KPNA6: variants seen among roughly 807,000 people sequenced by gnomAD.
The protein encoded by KPNA6 is karyopherin subunit alpha 6.
In KPNA6, 9 loss-of-function variants were observed where a neutral mutation model predicts 72.0. The ratio of observed to expected loss-of-function variants is 0.13; its 90% CI spans 0.08 to 0.22. The LOEUF is 0.22. Ranked by LOEUF, KPNA6 falls within the 10% of genes least tolerant of loss-of-function variation. The pLI is 1.00. For missense variants in KPNA6, 374 were observed against 655.7 expected (o/e 0.57, Z 4.69); for synonymous variants, 219 against 242.1 (o/e 0.90, Z 0.89).
At position 32,136,781 on chromosome 1, in the gene KPNA6, G is replaced by A. The variant is rs540928400; in HGVS notation, c.5-17807G>A. 2.9e-4 allele frequency among the ~76,000 whole-genome samples: 44 copies of A among 152,124 alleles called. 1 individual carries two copies. The highest frequency in any genetic ancestry group is 5.9e-4 in the Non-Finnish European group (40 of 68,034). On this transcript the variant is annotated intron_variant, in intron 1 of 13. Transcript: ENST00000373625. Reference sequence around the variant, plus strand: ...GAATAAGCAGAATGAGATTCTCTACGCATTTATTCCTCCCCAATTCATTAC... The same window carrying A: ...GAATAAGCAGAATGAGATTCTCTACACATTTATTCCTCCCCAATTCATTAC...
chr1:32,138,893 A>C (rs1244904219), intron 1 of KPNA6, among the ~76,000 whole-genome samples: 1 of 152,146 alleles, frequency 6.6e-6, no homozygotes, highest in African/African-American at 2.4e-5. Flanking sequence ...TGTGTCCTGT[A>C]GTTTTTATAA....
chr1:32,148,103 A>G (rs1641962810), intron 1 of KPNA6, among the ~76,000 whole-genome samples: 1 of 151,540 alleles, frequency 6.6e-6, no homozygotes, highest in Non-Finnish European at 1.5e-5. Context: ...CTCAATGTGG[A>G]TATTTTCTTT....
intron 1 of KPNA6, among the ~76,000 whole-genome samples, chr1:32,110,662 C>T (rs1293321077): frequency 2.6e-5 from 4 of 152,016 alleles, no homozygotes; most frequent in South Asian, 2.1e-4. Context: ...TCCCATAGGC[C>T]GAGGCGGGTG....
At chr1:32,131,575 A>G (rs1318405402) in intron 1 of KPNA6, among the ~76,000 whole-genome samples, 1 of 151,926 alleles carries the variant, frequency 6.6e-6, no homozygotes, top group Non-Finnish European at 1.5e-5. Context: ...ACATATATGT[A>G]TGTGTATATA....
intron 1 of KPNA6, among the ~76,000 whole-genome samples, chr1:32,136,181 C>CTTTTTTT (rs759447035): frequency 3.6e-5 from 5 of 139,304 alleles, no homozygotes; most frequent in Non-Finnish European, 4.6e-5. Flanking sequence ...TAGCTTCTCT[C>CTTTTTTT]TTTTTTTTTT....
chr1:32,150,624 C>T (rs1642012106), intron 1 of KPNA6, among the ~76,000 whole-genome samples: 1 of 151,612 alleles, frequency 6.6e-6, no homozygotes, highest in African/African-American at 2.4e-5. Context: ...ATGTATAGTA[C>T]TTTTTGTTGT....
intron 6 of KPNA6, among the ~76,000 whole-genome samples, chr1:32,159,813 T>C (rs140274199): frequency 1.2e-4 from 19 of 152,206 alleles, no homozygotes; most frequent in Non-Finnish European, 1.8e-4. Flanking sequence ...GTGGTTGATG[T>C]GGAAAAAACT....
At chr1:32,147,813 C>G (rs137983318) in intron 1 of KPNA6, among the ~76,000 whole-genome samples, 26 of 151,892 alleles carry the variant, frequency 1.7e-4, no homozygotes, top group East Asian at 1.2e-3. Context: ...ACATACACCA[C>G]CATGCCCAGC....
At chr1:32,135,618 C>T (rs1417090822) in intron 1 of KPNA6, among the ~76,000 whole-genome samples, 1 of 150,920 alleles carries the variant, frequency 6.6e-6, no homozygotes, top group Admixed American at 6.6e-5. Context: ...CAGGTGTGAG[C>T]CACCATGCTT....
At chr1:32,168,478 C>T (rs1642378169) in intron 12 of KPNA6, among the ~76,000 whole-genome samples, 1 of 152,202 alleles carries the variant, frequency 6.6e-6, no homozygotes, top group Non-Finnish European at 1.5e-5. Flanking sequence ...GCATGAGCCA[C>T]CTGGCCTGTG....
At chr1:32,139,900 T>C (rs577344737) in intron 1 of KPNA6, among the ~76,000 whole-genome samples, 1 of 152,214 alleles carries the variant, frequency 6.6e-6, no homozygotes, top group Non-Finnish European at 1.5e-5. Context: ...TACTGTTTTG[T>C]CTACTTTTGT....
At chr1:32,127,781 A>G (rs1351259345) in intron 1 of KPNA6, among the ~76,000 whole-genome samples, 1 of 152,120 alleles carries the variant, frequency 6.6e-6, no homozygotes, top group Admixed American at 6.5e-5. Context: ...TTCAAAGACC[A>G]CTTCAGACCT....
rs1350572600 is a variant in KPNA6 at position 32,172,640 on chromosome 1, G to A, written c.*1746G>A. On this transcript the variant is annotated 3_prime_UTR_variant, in exon 14 of 14. Coordinates refer to ENST00000373625, the MANE Select transcript of KPNA6 (RefSeq NM_012316.5). Reference sequence around the variant, plus strand: ...AATTACGGTAGTGCATTGCCTTAGTGGCTTGCCTGTGCCTCTGGGTGGATT... The same window carrying A: ...AATTACGGTAGTGCATTGCCTTAGTAGCTTGCCTGTGCCTCTGGGTGGATT... 1.3e-5 allele frequency: 2 copies of A among 154,866 alleles called. No individual in the cohort carries two copies. The highest frequency in any genetic ancestry group is 2.8e-5 in the Non-Finnish European group (2 of 70,210). 9.6% of individuals were successfully genotyped at this position (154,866 alleles called of 1,614,324 possible).
intron 1 of KPNA6, among the ~76,000 whole-genome samples, chr1:32,135,532 T>TA (rs1641719270): frequency 6.8e-6 from 1 of 147,690 alleles, no homozygotes; most frequent in African/African-American, 2.5e-5. Context: ...AGGGTCTAAT[T>TA]ATGTTGCCCA....
chr1:32,162,698 A>G (rs55797802), intron 9 of KPNA6, among the ~76,000 whole-genome samples, 174 bp downstream of exon 9: 19,702 of 151,866 alleles, frequency 0.13, 1,716 homozygotes, highest in South Asian at 0.25. Context: ...AGCTGGGCGC[A>G]GTGGCAGGCG....
At chr1:32,166,003 A>C (rs1268586620) in intron 10 of KPNA6, 102 bp from the exon 11 acceptor site, 51 of 1,390,256 alleles carry the variant, frequency 3.7e-5, no homozygotes, top group Non-Finnish European at 4.0e-5. Flanking sequence ...GTCTCAAAAA[A>C]AAAAACAAAA....
At chr1:32,164,336 A>G (rs1642292824) in intron 10 of KPNA6, among the ~76,000 whole-genome samples, 1 of 152,224 alleles carries the variant, frequency 6.6e-6, no homozygotes, top group South Asian at 2.1e-4. Flanking sequence ...GCTATTGTGA[A>G]TAATGCTGCT....
chr1:32,122,848 T>A (rs1318079778), intron 1 of KPNA6, among the ~76,000 whole-genome samples: 2 of 151,104 alleles, frequency 1.3e-5, no homozygotes, highest in African/African-American at 4.9e-5. Context: ...TCCCAGCTAC[T>A]CAGGAGGCTG....
intron 1 of KPNA6, among the ~76,000 whole-genome samples, chr1:32,153,284 GGCCAGGC>G (rs975075270): frequency 6.6e-6 from 1 of 152,052 alleles, no homozygotes; most frequent in Non-Finnish European, 1.5e-5. Flanking sequence ...AACGTGAACA[GGCCAGGC>G]GCAGTGGCTC....
Sources: allele counts gnomAD v4.1 joint callset (sites outside exome capture counted in the v4.1 genomes callset), GRCh38; gene constraint gnomAD v4.1.1; transcripts MANE v1.5; gene names NCBI Gene and HGNC (gene_info 2026-07-23, HGNC 2026-07-21).